The following SH3PXD2A variants were observed in gnomAD, a reference collection of about 807,000 sequenced individuals.
The protein encoded by SH3PXD2A is SH3 and PX domains 2A, also known as SH3 and PX domain-containing protein 2A.
Under a neutral mutation model 115.2 loss-of-function variants are expected in SH3PXD2A, and 32 were observed. That is an observed-to-expected ratio of 0.28 (90% CI 0.21 to 0.37). SH3PXD2A has a LOEUF of 0.37. Ranked by LOEUF, SH3PXD2A falls within the 10% of genes least tolerant of loss-of-function variation. SH3PXD2A has a pLI of 1.00. For missense variants in SH3PXD2A, 1,328 were observed against 1,498.7 expected, an observed-to-expected ratio of 0.89 and a Z score of 1.88; for synonymous variants, 610 against 629.1, an observed-to-expected ratio of 0.97 and a Z score of 0.45.
chr10:103,843,373 G>A (rs1210367815), intron 1 of SH3PXD2A, among the ~76,000 whole-genome samples: 2 of 152,192 alleles, frequency 1.3e-5, no homozygotes, highest in African/African-American at 4.8e-5. Context: ...AAGCAAGCAT[G>A]GGGCTGAAAA....
At chr10:103,853,925 G>C (rs1842917672) in intron 1 of SH3PXD2A, among the ~76,000 whole-genome samples, 1 of 152,222 alleles carries the variant, frequency 6.6e-6, no homozygotes, top group Non-Finnish European at 1.5e-5. Context: ...GAAAATGCTT[G>C]CTGGACCAGA....
At chr10:103,613,315 A>G (rs1043179606) in intron 11 of SH3PXD2A, 125 bp from the exon 12 acceptor site, 2 of 693,058 alleles carry the variant, frequency 2.9e-6, no homozygotes. Context: ...AAGGCTTGGC[A>G]ATCCCACTAC....
chr10:103,791,679 C>T (rs987950502), intron 2 of SH3PXD2A, among the ~76,000 whole-genome samples: 6 of 151,972 alleles, frequency 3.9e-5, no homozygotes, highest in African/African-American at 1.4e-4. Flanking sequence ...TACCTCTCTC[C>T]ATCTGCTTGG....
rs569165637 is a variant in SH3PXD2A, at chr10:103,631,617, C to G, written c.605-4415G>C. ...CCAAATCTGAGGAACAAAAGTCAACCAGGCACCTGCTGCCACAGACCTCAG... is the reference window on the plus strand; with the variant it reads ...CCAAATCTGAGGAACAAAAGTCAACGAGGCACCTGCTGCCACAGACCTCAG... On this transcript the variant is annotated intron_variant, in intron 8 of 14. Transcript: ENST00000369774. 7.9e-5 allele frequency among the ~76,000 whole-genome samples: 12 copies of G among 152,296 alleles called. No homozygotes were observed. The East Asian group carries it at 1.4e-3, about 17-fold the overall frequency.
At chr10:103,852,070 G>A (rs1246816112) in intron 1 of SH3PXD2A, among the ~76,000 whole-genome samples, 2 of 152,208 alleles carry the variant, frequency 1.3e-5, no homozygotes, top group African/African-American at 4.8e-5. Flanking sequence ...CAAGCGGTCA[G>A]AGGCCAAAGC....
At chr10:103,630,365 G>A (rs1018811095) in intron 8 of SH3PXD2A, among the ~76,000 whole-genome samples, 13 of 152,182 alleles carry the variant, frequency 8.5e-5, no homozygotes, top group African/African-American at 3.1e-4. Flanking sequence ...GGGCTTTCCT[G>A]TCTCCCTGGG....
At chr10:103,619,588 C>T (rs2036572615) in intron 10 of SH3PXD2A, among the ~76,000 whole-genome samples, 1 of 152,240 alleles carries the variant, frequency 6.6e-6, no homozygotes, top group Non-Finnish European at 1.5e-5. Flanking sequence ...ATCATGTGGG[C>T]TCAGCCTCCT....
intron 1 of SH3PXD2A, among the ~76,000 whole-genome samples, chr10:103,836,706 C>CACACACA (rs1554928966): frequency 6.7e-6 from 1 of 149,672 alleles, no homozygotes; most frequent in African/African-American, 2.5e-5. Flanking sequence ...CACACACACA[C>CACACACA]CCCTTCTTTT....
chr10:103,732,759 G>A (rs572265907), intron 4 of SH3PXD2A, among the ~76,000 whole-genome samples: 1 of 152,314 alleles, frequency 6.6e-6, no homozygotes, highest in African/African-American at 2.4e-5. Context: ...CCAAGCAGGT[G>A]GGCTATGCAG....
At chr10:103,780,131 A>G (rs2038918218) in intron 2 of SH3PXD2A, among the ~76,000 whole-genome samples, 1 of 152,222 alleles carries the variant, frequency 6.6e-6, no homozygotes, top group African/African-American at 2.4e-5. Context: ...TTTGGCAAAG[A>G]TGAAGCCAAA....
intron 8 of SH3PXD2A, among the ~76,000 whole-genome samples, chr10:103,631,588 T>C (rs908010569): frequency 6.6e-6 from 1 of 152,164 alleles, no homozygotes; most frequent in Non-Finnish European, 1.5e-5. Flanking sequence ...TCCCCCATCG[T>C]GAGCCAAATC....
intron 4 of SH3PXD2A, among the ~76,000 whole-genome samples, chr10:103,725,416 A>C (rs1387732086): frequency 6.6e-6 from 1 of 152,078 alleles, no homozygotes; most frequent in Non-Finnish European, 1.5e-5. Flanking sequence ...AGCAGAGAGG[A>C]GGAGTGGGCA....
chr10:103,701,171 TCCATCCAC>T (rs1439722470), intron 5 of SH3PXD2A, among the ~76,000 whole-genome samples: 1 of 136,168 alleles, frequency 7.3e-6, no homozygotes, highest in Non-Finnish European at 1.6e-5. Flanking sequence ...CATCCATCCA[TCCATCCAC>T]CATCCATCCA....
At chr10:103,633,761 A>G (rs961452954) in intron 8 of SH3PXD2A, among the ~76,000 whole-genome samples, 11 of 143,936 alleles carry the variant, frequency 7.6e-5, no homozygotes, top group African/African-American at 1.3e-4. Context: ...AAAAAGACTC[A>G]GCTCCAAGTC....
chr10:103,725,725 CTGATGCAGG>C (rs1385222813), intron 4 of SH3PXD2A, among the ~76,000 whole-genome samples: 1 of 152,044 alleles, frequency 6.6e-6, no homozygotes, highest in Non-Finnish European at 1.5e-5. Context: ...ACTCGGGAGG[CTGATGCAGG>C]AGGAGAATCG....
At chr10:103,835,013 G>C (rs1008792281) in intron 1 of SH3PXD2A, among the ~76,000 whole-genome samples, 24 of 152,226 alleles carry the variant, frequency 1.6e-4, no homozygotes, top group African/African-American at 5.5e-4. Context: ...AGGCTGCCTT[G>C]AATGAGTCTG....
At chr10:103,780,652 G>A (rs777035870) in intron 2 of SH3PXD2A, among the ~76,000 whole-genome samples, 7 of 152,196 alleles carry the variant, frequency 4.6e-5, no homozygotes, top group Non-Finnish European at 7.3e-5. Context: ...TCAGGCAGGC[G>A]CAGCAAACTC....
intron 5 of SH3PXD2A, 21 bp from the exon 6 acceptor site, chr10:103,693,077 G>A (rs1219558161): frequency 1.2e-6 from 2 of 1,612,742 alleles, no homozygotes; most frequent in East Asian, 4.5e-5. Context: ...AGCAACAACA[G>A]ATAGACATGG....
intron 13 of SH3PXD2A, among the ~76,000 whole-genome samples, chr10:103,608,457 TTG>T (rs1270638524): frequency 8.9e-6 from 1 of 111,750 alleles, no homozygotes; most frequent in African/African-American, 3.3e-5. Flanking sequence ...AAAAGAAAAA[TTG>T]TGTTGGGATT....
Sources: allele counts gnomAD v4.1 joint callset (sites outside exome capture counted in the v4.1 genomes callset), GRCh38; gene constraint gnomAD v4.1.1; transcripts MANE v1.5; gene names NCBI Gene and HGNC (gene_info 2026-07-23, HGNC 2026-07-21).